SDK1: variants seen among roughly 807,000 people sequenced by gnomAD.
SDK1 encodes the protein protein sidekick-1.
Under a neutral mutation model 245.5 loss-of-function variants are expected in SDK1, and 157 were observed. The ratio of observed to expected loss-of-function variants is 0.64; its 90% CI spans 0.56 to 0.73. The LOEUF is 0.73. SDK1 is among the 30% of genes least tolerant of loss of function. The pLI is 0.00. For missense variants in SDK1, 3,583 were observed against 3,002.3 expected (o/e 1.19, Z -4.52); for synonymous variants, 1,647 against 1,278.5 (o/e 1.29, Z -6.15).
intron 1 of SDK1, among the ~76,000 whole-genome samples, chr7:3,313,837 G>T (rs1278685820): frequency 6.6e-6 from 1 of 152,156 alleles, no homozygotes; most frequent in Non-Finnish European, 1.5e-5. Flanking sequence ...AGTATGTGAA[G>T]TAATACATAT....
At chr7:4,093,648 C>A (rs1225315295) in intron 22 of SDK1, among the ~76,000 whole-genome samples, 1 of 152,200 alleles carries the variant, frequency 6.6e-6, no homozygotes, top group Non-Finnish European at 1.5e-5. Flanking sequence ...GTCCCCAGGA[C>A]GCTTAGAGAC....
chr7:3,921,941 G>A (rs1384665700), intron 5 of SDK1, among the ~76,000 whole-genome samples: 1 of 152,104 alleles, frequency 6.6e-6, no homozygotes, highest in African/African-American at 2.4e-5. Context: ...ACTCCAGCCT[G>A]GGCAACAGAG....
chr7:3,900,539 C>T lies in SDK1; in HGVS notation c.848-50384C>T, dbSNP rs1781752065. On this transcript the variant is annotated intron_variant, in intron 5 of 44. Transcript: ENST00000404826. ...TTGGCTTCATATCCTTATAGAATTTCTCCTTCAGAAATCATTTCCCACTGG... is the reference window on the plus strand; with the variant it reads ...TTGGCTTCATATCCTTATAGAATTTTTCCTTCAGAAATCATTTCCCACTGG... Among the ~76,000 whole-genome samples, 2 of 152,152 alleles carry T rather than the reference C, an allele frequency of 1.3e-5. 1 individual carries two copies. The highest frequency in any genetic ancestry group is 4.1e-4 in the South Asian group (2 of 4,830).
chr7:4,264,714 C>A (rs968421128), intron 44 of SDK1, among the ~76,000 whole-genome samples: 3 of 147,748 alleles, frequency 2.0e-5, no homozygotes, highest in African/African-American at 7.5e-5. Context: ...GCGGTGTGGA[C>A]CTCTCCTGGG....
Position 4,113,289 on chromosome 7 carries a change from A to G in SDK1, c.3435A>G (p.Arg1145=). ...CTCTCATCAGTGGTTTTTCCTTTAG[A>G]TTTCGAATGAAGCAAGTGAACATTG... ...IPNLTPYTHY[R]FRMKQVNIVG... is the part of the protein sequence containing the mutation. Residue 1145 remains arginine (R), a splice_region_variant and synonymous_variant, in exon 24 of 45, where the codon AGA becomes AGG. Coordinates refer to ENST00000404826, the MANE Select transcript of SDK1 (RefSeq NM_152744.4). 1 of 1,610,788 alleles carries G rather than the reference A, an allele frequency of 6.2e-7. No individual in the cohort carries two copies.
chr7:3,942,280 T>C (rs193296607), intron 5 of SDK1, among the ~76,000 whole-genome samples: 1 of 152,310 alleles, frequency 6.6e-6, no homozygotes, highest in African/African-American at 2.4e-5. Flanking sequence ...GGTACAGAGA[T>C]AAATAAGACA....
At chr7:4,010,844 C>T (rs1289787845) in intron 14 of SDK1, 122 bp from the exon 15 acceptor site, 1 of 992,028 alleles carries the variant, frequency 1.0e-6, no homozygotes, top group Non-Finnish European at 1.5e-6. Flanking sequence ...ATAAGCTTTC[C>T]TTCTCCTAGA....
chr7:3,576,655 C>A (rs193061499), intron 1 of SDK1, among the ~76,000 whole-genome samples: 1 of 151,956 alleles, frequency 6.6e-6, no homozygotes, highest in Admixed American at 6.6e-5. Context: ...GTGTAGGCAA[C>A]GTTATCGATA....
At chr7:4,039,973 G>A (rs545898955) in intron 17 of SDK1, among the ~76,000 whole-genome samples, 14 of 152,064 alleles carry the variant, frequency 9.2e-5, no homozygotes, top group Non-Finnish European at 1.3e-4. Context: ...AATAAGAAGC[G>A]CCCCCACATG....
chr7:3,474,405 A>T (rs1781285177), intron 1 of SDK1, among the ~76,000 whole-genome samples: 1 of 151,756 alleles, frequency 6.6e-6, no homozygotes, highest in South Asian at 2.1e-4. Flanking sequence ...TCTCTACCAG[A>T]TGTTTTAAAG....
chr7:3,787,528 T>C (rs555332957), intron 4 of SDK1, among the ~76,000 whole-genome samples: 3 of 151,918 alleles, frequency 2.0e-5, no homozygotes, highest in South Asian at 2.1e-4. Flanking sequence ...GAAAAACTAA[T>C]GGCATTGGTT....
chr7:3,906,535 G>T (rs1216857396), intron 5 of SDK1, among the ~76,000 whole-genome samples: 1 of 150,380 alleles, frequency 6.6e-6, no homozygotes, highest in African/African-American at 2.4e-5. Context: ...CTATTGTCCT[G>T]CTGGTTTCAA....
intron 1 of SDK1, among the ~76,000 whole-genome samples, chr7:3,496,157 C>G (rs916481373): frequency 2.0e-5 from 3 of 152,114 alleles, no homozygotes; most frequent in South Asian, 4.1e-4. Flanking sequence ...CCTTTAACTT[C>G]TCTGTCACTG....
chr7:4,114,025 G>C lies in SDK1; in HGVS notation c.3586-12G>C, dbSNP rs201906214. 1.9e-6 allele frequency: 3 copies of C among 1,612,234 alleles called. No individual in the cohort carries two copies. Among genetic ancestry groups the C allele is most frequent in the South Asian group, 2.2e-5 (2 of 91,024 alleles). ...AGATGTCAGCTCATCGCGACTCCTC[G>C]TTCCTTCCTAGCCCCTGCCGGATTC... On this transcript the variant is annotated splice_polypyrimidine_tract_variant and intron_variant, in intron 24 of 44. Coordinates refer to ENST00000404826, the MANE Select transcript of SDK1 (RefSeq NM_152744.4).
At chr7:4,193,262 G>A (rs1466384157) in intron 35 of SDK1, among the ~76,000 whole-genome samples, 1 of 125,914 alleles carries the variant, frequency 7.9e-6, no homozygotes, top group Admixed American at 8.7e-5. Context: ...GTAATTAATT[G>A]TATTAATTAC....
intron 1 of SDK1, among the ~76,000 whole-genome samples, chr7:3,474,814 T>G (rs897416753): frequency 6.6e-6 from 1 of 152,104 alleles, no homozygotes; most frequent in Non-Finnish European, 1.5e-5. Context: ...CCACAACCTC[T>G]TCAATGGTGG....
intron 1 of SDK1, among the ~76,000 whole-genome samples, chr7:3,337,204 A>G (rs1366278084): frequency 1.3e-5 from 2 of 152,360 alleles, no homozygotes; most frequent in East Asian, 3.9e-4. Context: ...TTCTCAGCCA[A>G]GAAATAAAAA....
intron 1 of SDK1, among the ~76,000 whole-genome samples, chr7:3,365,392 G>A (rs140360865): frequency 5.3e-5 from 8 of 152,200 alleles, no homozygotes; most frequent in Admixed American, 5.2e-4. Context: ...GCAATAGGAG[G>A]CCATTACTTC....
intron 36 of SDK1, among the ~76,000 whole-genome samples, chr7:4,207,565 A>T (rs376209046): frequency 1.2e-4 from 18 of 152,282 alleles, no homozygotes; most frequent in African/African-American, 4.3e-4. Flanking sequence ...TCTCCAAAGT[A>T]TATTGCCATA....
Sources: gnomAD v4.1 joint callset for allele counts (sites outside exome capture counted in the v4.1 genomes callset) on GRCh38, gnomAD v4.1.1 for gene constraint, MANE v1.5 for transcripts, NCBI Gene and HGNC (gene_info 2026-07-23, HGNC 2026-07-21) for gene names.